Variants in CABIN1 observed in about 807,000 individuals in gnomAD.
CABIN1 encodes calcineurin-binding protein cabin-1.
A neutral mutation model predicts 227.7 loss-of-function variants in CABIN1; 133 were observed. The observed-to-expected ratio is 0.58, with a 90% CI of 0.51 to 0.67. The LOEUF (loss-of-function observed/expected upper bound fraction) is 0.67. CABIN1 is among the 30% of genes least tolerant of loss of function. The probability of loss-of-function intolerance (pLI) is 0.00; values close to 1 mark genes in which losing one functional copy is unlikely to be tolerated. For missense variants in CABIN1, 2,408 were observed against 2,852.5 expected, an observed-to-expected ratio of 0.84 and a Z score of 3.55; for synonymous variants, 1,086 against 1,155.1, an observed-to-expected ratio of 0.94 and a Z score of 1.21.
intron 1 of CABIN1, among the ~76,000 whole-genome samples, chr22:24,024,594 T>C (rs1419570638): frequency 1.3e-5 from 2 of 152,220 alleles, no homozygotes; most frequent in African/African-American, 4.8e-5. Flanking sequence ...CCATTATTTC[T>C]TCGAATAATT....
At chr22:24,092,070 C>T (rs1161955244) in intron 24 of CABIN1, 2 of 610,136 alleles carry the variant, frequency 3.3e-6, no homozygotes, top group Admixed American at 3.0e-5. Flanking sequence ...TCTTATCTCT[C>T]AGAAGAAAAT....
intron 1 of CABIN1, among the ~76,000 whole-genome samples, chr22:24,032,454 C>G (rs1246289265): frequency 5.3e-5 from 8 of 152,150 alleles, no homozygotes; most frequent in Non-Finnish European, 8.8e-5. Flanking sequence ...CATGAGTGTA[C>G]AAGTGTCTGT....
intron 29 of CABIN1, among the ~76,000 whole-genome samples, chr22:24,163,299 C>T (rs1301593682): frequency 1.3e-5 from 2 of 152,158 alleles, no homozygotes; most frequent in African/African-American, 4.8e-5. Flanking sequence ...TGGAGGTGCC[C>T]TGGCTTTCCT....
chr22:24,141,874 T>C (rs1194139363), intron 29 of CABIN1, among the ~76,000 whole-genome samples: 1 of 152,216 alleles, frequency 6.6e-6, no homozygotes, highest in Non-Finnish European at 1.5e-5. Context: ...TGAAAACATT[T>C]ATGCCCTGTG....
intron 34 of CABIN1, among the ~76,000 whole-genome samples, 195 bp downstream of exon 34, chr22:24,172,190 C>T (rs887888807): frequency 6.6e-6 from 1 of 152,194 alleles, no homozygotes; most frequent in Non-Finnish European, 1.5e-5. Context: ...GTCAGCACAT[C>T]CTACATCTAC....
chr22:24,056,585 G>C (rs1236681554), intron 10 of CABIN1: 1 of 569,550 alleles, frequency 1.8e-6, no homozygotes, highest in African/African-American at 1.9e-5. Flanking sequence ...GCTGTGACTT[G>C]TTCATCTTTT....
At chr22:24,035,570 C>T (rs544346168) in intron 2 of CABIN1, 50 bp downstream of exon 2, 11 of 1,611,118 alleles carry the variant, frequency 6.8e-6, no homozygotes, top group Non-Finnish European at 7.6e-6. Flanking sequence ...TCTTTTGTTA[C>T]GTTACTCCTG....
intron 33 of CABIN1, 168 bp downstream of exon 33, chr22:24,168,689 G>A: frequency 1.4e-6 from 1 of 715,132 alleles, no homozygotes; most frequent in Non-Finnish European, 2.5e-6. Context: ...CGTGGCCATA[G>A]TGGGCAGGAA....
intron 20 of CABIN1, 133 bp from the exon 21 acceptor site, chr22:24,084,446 A>G: frequency 5.0e-6 from 4 of 804,880 alleles, no homozygotes; most frequent in Non-Finnish European, 8.6e-6. Context: ...TATAATGGGG[A>G]TTTGTTTTAG....
chr22:24,082,758 G>A (rs2147032387), intron 19 of CABIN1, among the ~76,000 whole-genome samples: 1 of 152,292 alleles, frequency 6.6e-6, no homozygotes, highest in East Asian at 1.9e-4. Flanking sequence ...TAGCCCTAAT[G>A]AGATTTATCA....
At chr22:24,143,824 C>G (rs1347256088) in intron 29 of CABIN1, among the ~76,000 whole-genome samples, 1 of 152,206 alleles carries the variant, frequency 6.6e-6, no homozygotes, top group Admixed American at 6.5e-5. Context: ...CTTTTCTACC[C>G]TCTGCCCCCT....
chr22:24,132,379 C>G (rs909134432), intron 28 of CABIN1, among the ~76,000 whole-genome samples: 1 of 152,058 alleles, frequency 6.6e-6, no homozygotes, highest in East Asian at 1.9e-4. Flanking sequence ...TACTCAGTTT[C>G]TCTGCAGCTG....
intron 25 of CABIN1, 150 bp downstream of exon 25, chr22:24,096,232 C>A: frequency 1.1e-6 from 1 of 884,322 alleles, no homozygotes; most frequent in Non-Finnish European, 1.8e-6. Flanking sequence ...TGGAAACTCC[C>A]ATTTGCTGGG....
chr22:24,070,712 C>A, intron 16 of CABIN1, 88 bp from the exon 17 acceptor site: 1 of 1,587,800 alleles, frequency 6.3e-7, no homozygotes, highest in Non-Finnish European at 8.6e-7. Context: ...TGCCCCTCAT[C>A]TGTTTTCCTT....
chr22:24,169,902 T>C (rs866961917), intron 33 of CABIN1, among the ~76,000 whole-genome samples: 2 of 152,302 alleles, frequency 1.3e-5, no homozygotes, highest in Admixed American at 6.5e-5. Context: ...CACATGCATA[T>C]TGGGGCCCCT....
rs757179439 is a variant in CABIN1 at position 24,083,239 on chromosome 22, C to G, written c.2760C>G (p.Leu920=). 2 of 1,612,360 alleles carry G rather than the reference C, an allele frequency of 1.2e-6. No individual in the cohort carries two copies. The highest frequency in any genetic ancestry group is 1.3e-5 in the African/African-American group (1 of 74,970). ...GALLRFYVRV[L]QKELAASTSE... ...TCTGCCCACCACAGGTGCGAGTACTCCAGAAGGAACTGGCTGCATCCACCT... is the reference window on the plus strand; with the variant it reads ...TCTGCCCACCACAGGTGCGAGTACTGCAGAAGGAACTGGCTGCATCCACCT... Residue 920 remains leucine (L), a synonymous_variant, in exon 20 of 37, where the codon CTC becomes CTG. Transcript: ENST00000263119.
At chr22:24,064,374 T>A (rs1336772464) in intron 15 of CABIN1, among the ~76,000 whole-genome samples, 187 bp downstream of exon 15, 1 of 152,050 alleles carries the variant, frequency 6.6e-6, no homozygotes, top group Non-Finnish European at 1.5e-5. Context: ...CCTGGCTAAT[T>A]TTTTGTATCT....
intron 28 of CABIN1, 68 bp downstream of exon 28, chr22:24,119,766 G>T (rs2043292867): frequency 1.4e-6 from 2 of 1,416,424 alleles, no homozygotes; most frequent in Non-Finnish European, 2.0e-6. Flanking sequence ...GAAGGTTGGT[G>T]GGCAGAGCTA....
Position 24,014,420 on chromosome 22 carries a change from A to ATT in CABIN1, c.-75+3065_-75+3066dup, listed in dbSNP as rs34439629. ...TTCTGTGGCCTATCAACTGGCCCTC[A>ATT]TTTTTTTTTTTTTCCTTCAAGCACT... On this transcript the variant is annotated intron_variant, in intron 1 of 36. Transcript: ENST00000263119. 1.6e-3 allele frequency among the ~76,000 whole-genome samples: 238 copies of ATT among 144,352 alleles called. 2 individuals are homozygous for ATT. The highest frequency in any genetic ancestry group is 5.5e-3 in the African/African-American group (219 of 39,630). The allele number at this position is 144,352 out of a possible 152,430, so 94.7% of individuals were successfully genotyped here.
Sources: allele counts gnomAD v4.1 joint callset (sites outside exome capture counted in the v4.1 genomes callset), GRCh38; gene constraint gnomAD v4.1.1; transcripts MANE v1.5; gene names NCBI Gene and HGNC (gene_info 2026-07-23, HGNC 2026-07-21).